Variants in ISLR2 observed in about 807,000 individuals in gnomAD.
ISLR2 encodes the protein immunoglobulin superfamily containing leucine rich repeat 2.
A neutral mutation model predicts 25.5 loss-of-function variants in ISLR2; 16 were observed. The ratio of observed to expected loss-of-function variants is 0.63; its 90% CI spans 0.43 to 0.95. The LOEUF (loss-of-function observed/expected upper bound fraction) is 0.95, where lower values mean the gene tolerates loss of function less well. Among genes scored for constraint, ISLR2 ranks in the 40% least tolerant of loss-of-function variants. The pLI, the probability that ISLR2 is intolerant of heterozygous loss-of-function variation, is 0.00. For synonymous variants in ISLR2, 508 were observed against 486.6 expected (o/e 1.04, Z -0.58); for missense variants, 883 against 1,030.7 (o/e 0.86, Z 1.96).
At chr15:74,116,018 G>A (rs1368744138) in intron 2 of ISLR2, among the ~76,000 whole-genome samples, 1 of 146,982 alleles carries the variant, frequency 6.8e-6, no homozygotes, top group Non-Finnish European at 1.5e-5. Flanking sequence ...GGCAACATAG[G>A]GAGACCTATC....
downstream of ISLR2, among the ~76,000 whole-genome samples, chr15:74,137,622 G>A (rs2072583625): frequency 6.6e-6 from 1 of 152,232 alleles, no homozygotes; most frequent in Non-Finnish European, 1.5e-5. Flanking sequence ...ACACGGGTTG[G>A]GCTGCTGTGT....
chr15:74,134,979 A>T lies in ISLR2; in HGVS notation c.2225A>T (p.Gln742Leu). The T allele has an allele frequency of 6.2e-7, 1 of 1,612,364 alleles. No homozygotes were observed. The highest frequency in any genetic ancestry group is 8.5e-7 in the Non-Finnish European group (1 of 1,179,354). ...IAQEINGNYRQTAG is the reference protein window; with the variant it reads ...IAQEINGNYRLTAG ...CAGGAGATTAATGGCAACTACAGGC[A>T]GACGGCAGGCTGAACCTCCGCCCGT... Residue 742 changes from glutamine (Q) to leucine (L), a missense_variant, in exon 3 of 3, where the codon CAG (glutamine) becomes CTG (leucine). Around this residue, in one of 2 missense-constraint regions of ISLR2, gnomAD observed 612 missense variants for 642.8 expected, o/e 0.95. Coordinates refer to ENST00000453268, the MANE Select transcript of ISLR2 (RefSeq NM_020851.3).
chr15:74,113,302 C>G (rs1432183846), intron 2 of ISLR2, among the ~76,000 whole-genome samples: 4 of 152,084 alleles, frequency 2.6e-5, no homozygotes, highest in Admixed American at 2.6e-4. Context: ...CCCTGCACAC[C>G]ACCACACCCA....
At chr15:74,105,654 G>T (rs963908671) in intron 2 of ISLR2, among the ~76,000 whole-genome samples, 1 of 150,016 alleles carries the variant, frequency 6.7e-6, no homozygotes, top group African/African-American at 2.5e-5. Context: ...GAAAGATAAG[G>T]TGGGACATCT....
At chr15:74,118,494 C>G (rs536915166) in intron 2 of ISLR2, among the ~76,000 whole-genome samples, 2 of 151,774 alleles carry the variant, frequency 1.3e-5, no homozygotes, top group Non-Finnish European at 2.9e-5. Context: ...GGAATTTCCT[C>G]GAAAATAATG....
Position 74,120,579 on chromosome 15 carries a change from G to C in ISLR2, n.229-10628G>C, listed in dbSNP as rs1052398492. Among the ~76,000 whole-genome samples, 6 of 152,038 alleles carry C rather than the reference G, an allele frequency of 3.9e-5. No homozygotes were observed. The East Asian group carries it at 9.7e-4, about 24-fold the overall frequency. Reference sequence around the variant, plus strand: ...CACGGGGAGGCAGAGGGTAGGTGAGGGGGGTGTGGCTGGGTTTACGGTGGT... The same window carrying C: ...CACGGGGAGGCAGAGGGTAGGTGAGCGGGGTGTGGCTGGGTTTACGGTGGT... On this transcript the variant is annotated intron_variant and non_coding_transcript_variant, in intron 2 of 3. Coordinates refer to the ISLR2 transcript ENST00000561975.
At chr15:74,111,774 T>G (rs2072170186) in intron 2 of ISLR2, among the ~76,000 whole-genome samples, 1 of 152,176 alleles carries the variant, frequency 6.6e-6, no homozygotes, top group African/African-American at 2.4e-5. Context: ...GTGAGAAGAT[T>G]ATAAAGACAG....
chr15:74,133,683 C>T lies in ISLR2; in HGVS notation c.929C>T (p.Thr310Met). 2 of 1,607,914 alleles carry T rather than the reference C, an allele frequency of 1.2e-6. No homozygotes were observed. The highest frequency in any genetic ancestry group is 1.7e-6 in the Non-Finnish European group (2 of 1,177,218). The change falls in exon 3 of 3, where the codon ACG (threonine) becomes ATG (methionine). Residue 310 changes from threonine (T) to methionine (M), a missense_variant. This residue lies in a region of ISLR2 where 612 missense variants were observed against 642.8 expected (regional missense o/e 0.95). Coordinates refer to ENST00000453268, the MANE Select transcript of ISLR2 (RefSeq NM_020851.3). ...GEGEGDGDLL[T>M]QTQAQTPTPA... The stretch of plus-strand genomic sequence containing the variant: ...GGAGAAGGAGATGGGGATTTGCTGA[C>T]GCAGACCCAAGCCCAAACGCCGACT...
rs1298079215 is a variant in ISLR2, at chr15:74,136,210, G to A, written c.*1218G>A. ...CGTTGTCCGTGTGTTGGGCTTTCCG[G>A]AGGTCTGTGCGCCCAACAGCGCCGC... On this transcript the variant is annotated 3_prime_UTR_variant, in exon 3 of 3. Transcript: ENST00000453268. 1.2e-5 allele frequency: 2 copies of A among 166,730 alleles called. No individual in the cohort carries two copies. The highest frequency in any genetic ancestry group is 4.8e-5 in the African/African-American group (2 of 41,472). The allele number at this position is 166,730 out of a possible 1,614,324, so 10.3% of individuals were successfully genotyped here.
At chr15:74,140,664 C>A (rs115990639), downstream of ISLR2, among the ~76,000 whole-genome samples, 1,917 of 152,266 alleles carry the variant, frequency 0.013, 52 homozygotes, top group African/African-American at 0.044. Flanking sequence ...TATAAATTGC[C>A]AAGTCTGACC....
intron 2 of ISLR2, among the ~76,000 whole-genome samples, chr15:74,108,406 G>C (rs8039353): frequency 3.9e-5 from 6 of 152,094 alleles, no homozygotes; most frequent in Non-Finnish European, 8.8e-5. Context: ...GCAGCTGGGG[G>C]CACCAGGATA....
At chr15:74,138,426 C>G (rs1020041146), downstream of ISLR2, 1 of 151,666 alleles carries the variant, frequency 6.6e-6, no homozygotes, top group Non-Finnish European at 1.5e-5. Flanking sequence ...CACAAAGAAT[C>G]ACCTAATACT....
At chr15:74,121,306 A>G (rs1018406523) in intron 2 of ISLR2, among the ~76,000 whole-genome samples, 1 of 152,114 alleles carries the variant, frequency 6.6e-6, no homozygotes, top group Non-Finnish European at 1.5e-5. Flanking sequence ...GAGTCTGGAG[A>G]TAAGGACGCA....
At chr15:74,117,820 A>G (rs2072222520) in intron 2 of ISLR2, among the ~76,000 whole-genome samples, 1 of 152,136 alleles carries the variant, frequency 6.6e-6, no homozygotes, top group Admixed American at 6.5e-5. Flanking sequence ...CTTCCTACCA[A>G]TTAAGTTAAT....
intron 2 of ISLR2, among the ~76,000 whole-genome samples, chr15:74,109,951 C>T (rs1373443196): frequency 2.6e-5 from 4 of 152,144 alleles, no homozygotes; most frequent in Non-Finnish European, 4.4e-5. Flanking sequence ...CATGCCACCA[C>T]GCCCGGATGT....
intron 2 of ISLR2, among the ~76,000 whole-genome samples, chr15:74,116,503 C>T (rs957989860): frequency 6.6e-6 from 1 of 152,030 alleles, no homozygotes; most frequent in Non-Finnish European, 1.5e-5. Flanking sequence ...CAGGCCTGCA[C>T]TCTTGAGAAG....
At chr15:74,117,763 A>C (rs561539604) in intron 2 of ISLR2, among the ~76,000 whole-genome samples, 7 of 152,226 alleles carry the variant, frequency 4.6e-5, no homozygotes, top group Non-Finnish European at 1.0e-4. Flanking sequence ...TTTGTAGCTA[A>C]CACAACAGCT....
At chr15:74,120,273 A>AG (rs2072242410) in intron 2 of ISLR2, among the ~76,000 whole-genome samples, 1 of 152,232 alleles carries the variant, frequency 6.6e-6, no homozygotes, top group African/African-American at 2.4e-5. Context: ...GCCAGGCAGT[A>AG]GGATGAAGAC....
At chr15:74,107,660 C>T (rs1014874760) in intron 2 of ISLR2, among the ~76,000 whole-genome samples, 6 of 152,180 alleles carry the variant, frequency 3.9e-5, no homozygotes, top group African/African-American at 1.4e-4. Flanking sequence ...GATGTTTGCC[C>T]GCACCAGTCA....
Sources: allele counts gnomAD v4.1 joint callset (sites outside exome capture counted in the v4.1 genomes callset), GRCh38; gene constraint gnomAD v4.1.1; regional missense constraint gnomAD v4.1.1; transcripts MANE v1.5; gene names NCBI Gene and HGNC (gene_info 2026-07-23, HGNC 2026-07-21).